Variants in CEP350 observed in about 807,000 individuals in gnomAD.
CEP350 encodes the protein centrosome-associated protein 350.
CEP350 carries 126 observed loss-of-function variants against 331.8 expected under a neutral mutation model. The ratio of observed to expected loss-of-function variants is 0.38; its 90% CI spans 0.33 to 0.44. The LOEUF (loss-of-function observed/expected upper bound fraction) is 0.44, where lower values mean the gene tolerates loss of function less well. Among genes scored for constraint, CEP350 ranks in the 20% least tolerant of loss-of-function variants. The pLI is 1.00. For missense variants in CEP350, 3,406 were observed against 3,634.6 expected, an observed-to-expected ratio of 0.94 and a Z score of 1.62; for synonymous variants, 1,200 against 1,259.5, an observed-to-expected ratio of 0.95 and a Z score of 1.00.
At chr1:180,103,539 G>C (rs1660950739) in intron 37 of CEP350, among the ~76,000 whole-genome samples, 1 of 152,080 alleles carries the variant, frequency 6.6e-6, no homozygotes, top group South Asian at 2.1e-4. Context: ...TCTTTATGGG[G>C]AATTGGTCTT....
chr1:180,090,967 G>A lies in CEP350; in HGVS notation c.6508+171G>A, dbSNP rs183988538. ...TTTTAAAGTGATTTATTGGCTATGT[G>A]TAAATTATATGAATCCTTTTTGTTT... is the stretch of plus-strand genomic sequence containing the variant. On this transcript the variant is annotated intron_variant, in intron 33 of 37. Transcript: ENST00000367607. 1.3e-3 allele frequency among the ~76,000 whole-genome samples: 204 copies of A among 151,710 alleles called. 1 individual carries two copies. The highest frequency in any genetic ancestry group is 4.7e-3 in the African/African-American group (194 of 41,428).
intron 21 of CEP350, among the ~76,000 whole-genome samples, chr1:180,047,757 CAAAAAAAAAAA>C (rs5779043): frequency 4.1e-5 from 3 of 74,046 alleles, no homozygotes; most frequent in African/African-American, 1.3e-4. Context: ...TGAAACTCCT[CAAAAAAAAAAA>C]AAAAAAAAAA....
rs778289075 is a variant in CEP350 at position 180,037,102 on chromosome 1, T to G, written c.4110+13T>G. On this transcript the variant is annotated intron_variant, in intron 17 of 37. Transcript: ENST00000367607. ...TCAGATAATAAAGGTATTTTTGGAG[T>G]TTTTTAGCTTTCTGTGGTTTTTCTT... The G allele has an allele frequency of 3.9e-6, 6 of 1,545,178 alleles. No homozygotes were observed. The highest frequency in any genetic ancestry group is 5.2e-6 in the Non-Finnish European group (6 of 1,151,138).
intron 27 of CEP350, among the ~76,000 whole-genome samples, chr1:180,072,946 A>G (rs1159840912): frequency 6.6e-6 from 1 of 152,062 alleles, no homozygotes; most frequent in Non-Finnish European, 1.5e-5. Flanking sequence ...AGGTACTACT[A>G]GACTTTTTAA....
At chr1:180,046,208 G>A (rs1657106097) in intron 21 of CEP350, among the ~76,000 whole-genome samples, 1 of 152,148 alleles carries the variant, frequency 6.6e-6, no homozygotes, top group African/African-American at 2.4e-5. Flanking sequence ...CATCACCCCA[G>A]AAAGAAACTC....
At chr1:180,055,986 TA>T (rs979283548) in intron 25 of CEP350, among the ~76,000 whole-genome samples, 1 of 152,142 alleles carries the variant, frequency 6.6e-6, no homozygotes, top group African/African-American at 2.4e-5. Flanking sequence ...TAAAATAGAA[TA>T]AAAATAAGAT....
In CEP350 at chr1:179,979,699, T is replaced by G. The variant is rs957928146; in HGVS notation, c.-13-6470T>G. 3.3e-5 allele frequency among the ~76,000 whole-genome samples: 5 copies of G among 152,108 alleles called. No homozygotes were observed. The East Asian group carries it at 7.7e-4, about 23-fold the overall frequency. Reference sequence around the variant, plus strand: ...TTTTGGGTTCTTATATTTAAGTCTTTAATCCCTTTCAAGTTGATTTTTGTG... The same window carrying G: ...TTTTGGGTTCTTATATTTAAGTCTTGAATCCCTTTCAAGTTGATTTTTGTG... On this transcript the variant is annotated intron_variant, in intron 1 of 37. Coordinates refer to ENST00000367607, the MANE Select transcript of CEP350 (RefSeq NM_014810.5).
rs1661596508 is a variant in CEP350 at position 180,114,702 on chromosome 1, G to A, written c.*3541G>A. The stretch of plus-strand genomic sequence containing the variant: ...TAGCCTGGTCATCAGGCCATTTTCA[G>A]CCAATAGTCACATCCAGTGCAATTT... On this transcript the variant is annotated 3_prime_UTR_variant, in exon 38 of 38. Transcript: ENST00000367607. 6.6e-6 allele frequency: 1 copy of A among 152,590 alleles called. No homozygotes were observed. Among genetic ancestry groups the A allele is most frequent in the Admixed American group, 6.5e-5 (1 of 15,278 alleles). The allele number at this position is 152,590 out of a possible 1,614,324, so 9.5% of individuals were successfully genotyped here. A position where few individuals can be genotyped will look rare whatever the true frequency, so the allele number is the denominator to read the frequency against.
chr1:179,991,231 A>G (rs1360999268), intron 4 of CEP350, among the ~76,000 whole-genome samples: 2 of 151,406 alleles, frequency 1.3e-5, no homozygotes, highest in Non-Finnish European at 2.9e-5. Flanking sequence ...AATCTCTTTC[A>G]TATGGTGACT....
chr1:180,052,292 G>C (rs1327014153), intron 22 of CEP350: 2 of 449,160 alleles, frequency 4.5e-6, no homozygotes, highest in Non-Finnish European at 8.9e-6. Flanking sequence ...TCCCACCTTG[G>C]CATCCCAAAA....
intron 1 of CEP350, among the ~76,000 whole-genome samples, chr1:179,959,932 A>G (rs1398315600): frequency 3.6e-5 from 5 of 137,016 alleles, no homozygotes; most frequent in African/African-American, 5.3e-5. Context: ...TAAACTGTGC[A>G]CTGAAGTAAA....
rs576092072 is a variant in CEP350 at position 180,066,205 on chromosome 1, G to T, written c.5567+933G>T. On this transcript the variant is annotated intron_variant, in intron 27 of 37. Coordinates refer to ENST00000367607, the MANE Select transcript of CEP350 (RefSeq NM_014810.5). ...AAATTTATGTGAGACTTTACTCTTTGGGGTGTATATTTAATTAAATACGGT... is the reference window on the plus strand; with the variant it reads ...AAATTTATGTGAGACTTTACTCTTTTGGGTGTATATTTAATTAAATACGGT... Among the ~76,000 whole-genome samples the T allele has an allele frequency of 4.6e-5, 7 of 152,220 alleles. No homozygotes were observed. In the East Asian group the frequency reaches 1.3e-3, roughly 29 times the overall value.
chr1:180,095,821 G>T lies in CEP350; in HGVS notation c.8810G>T (p.Trp2937Leu). 6.2e-7 allele frequency: 1 copy of T among 1,613,932 alleles called. No homozygotes were observed. The highest frequency in any genetic ancestry group is 8.5e-7 in the Non-Finnish European group (1 of 1,179,866). The change falls in exon 35 of 38, where the codon TGG becomes TTG. Residue 2937 changes from tryptophan (W) to leucine (L), a missense_variant. Physicochemically the swap from Trp to Leu is moderately conservative, Grantham distance 61. Coordinates refer to ENST00000367607, the MANE Select transcript of CEP350 (RefSeq NM_014810.5). ...VHNAAEELWK[W>L]KELGHDLHSI... ...AATGCAGCAGAAGAACTTTGGAAAT[G>T]GAAAGAATTAGGCCACGATCTTCAT...
intron 2 of CEP350, among the ~76,000 whole-genome samples, chr1:179,986,835 T>C (rs1240168362): frequency 6.6e-6 from 1 of 152,176 alleles, no homozygotes; most frequent in Non-Finnish European, 1.5e-5. Flanking sequence ...TTACCTATGT[T>C]TTTACTGGTA....
At chr1:180,090,412 G>C (rs570011420) in intron 32 of CEP350, among the ~76,000 whole-genome samples, 5 of 151,464 alleles carry the variant, frequency 3.3e-5, no homozygotes, top group African/African-American at 1.2e-4. Context: ...CGGGCGTGGT[G>C]GCGGGCGCCT....
intron 37 of CEP350, among the ~76,000 whole-genome samples, chr1:180,101,746 G>C (rs548704449): frequency 1.3e-5 from 2 of 152,172 alleles, no homozygotes. Context: ...TCAAGTTGGG[G>C]CTCCCAAGAT....
chr1:180,059,310 A>G (rs1020958660), intron 25 of CEP350, among the ~76,000 whole-genome samples: 2 of 152,178 alleles, frequency 1.3e-5, no homozygotes, highest in Admixed American at 1.3e-4. Flanking sequence ...CTGTGTTGAC[A>G]TTTGTACTAA....
At chr1:180,002,516 G>A (rs544687119) in intron 6 of CEP350, among the ~76,000 whole-genome samples, 2 of 151,788 alleles carry the variant, frequency 1.3e-5, no homozygotes, top group South Asian at 2.1e-4. Flanking sequence ...AGATAAGATA[G>A]CTAAGGTAAA....
Position 180,031,381 on chromosome 1 carries a change from T to G in CEP350, c.3612T>G (p.Arg1204=). ...TTCTTGATGAGGAAAAAGCAGAACG[T>G]GGCTCCCATCAAGGAAAGAAATCTG... The part of the protein sequence containing the change: ...NSLLDEEKAE[R]GSHQGKKSGT... The change falls in exon 15 of 38, where the codon CGT becomes CGG. Residue 1204 remains arginine (R), a synonymous_variant. Coordinates refer to ENST00000367607, the MANE Select transcript of CEP350 (RefSeq NM_014810.5). The G allele has an allele frequency of 6.2e-7, 1 of 1,608,742 alleles. No homozygotes were observed. Among genetic ancestry groups the G allele is most frequent in the Non-Finnish European group, 8.5e-7 (1 of 1,176,330 alleles).
Sources: gnomAD v4.1 joint callset for allele counts (sites outside exome capture counted in the v4.1 genomes callset) on GRCh38, gnomAD v4.1.1 for gene constraint, MANE v1.5 for transcripts, NCBI Gene and HGNC (gene_info 2026-07-23, HGNC 2026-07-21) for gene names.